ALMS1: variants seen among roughly 807,000 people sequenced by gnomAD.
ALMS1 encodes centrosome-associated protein ALMS1.
A neutral mutation model predicts 352.2 loss-of-function variants in ALMS1; 271 were observed. The observed-to-expected ratio is 0.77, with a 90% confidence interval of 0.70 to 0.85. ALMS1 has a LOEUF of 0.85. ALMS1 is among the 40% of genes least tolerant of loss of function. The probability of loss-of-function intolerance (pLI) is 0.00; values close to 1 mark genes in which losing one functional copy is unlikely to be tolerated. For missense variants in ALMS1, 5,445 were observed against 4,870.7 expected (o/e 1.12, Z -3.51); for synonymous variants, 1,865 against 1,761.2 (o/e 1.06, Z -1.48).
intron 9 of ALMS1, among the ~76,000 whole-genome samples, chr2:73,478,536 A>T (rs1672628482): frequency 6.6e-6 from 1 of 152,220 alleles, no homozygotes; most frequent in African/African-American, 2.4e-5. Flanking sequence ...ATATGTCAGG[A>T]GGTATCAAGG....
At position 73,432,190 on chromosome 2, in the gene ALMS1, C is replaced by T. The variant is rs1553401596; in HGVS notation, c.1339-8C>T. On this transcript the variant is annotated splice_region_variant and splice_polypyrimidine_tract_variant and intron_variant, in intron 6 of 22. Transcript: ENST00000613296. The stretch of plus-strand genomic sequence containing the variant: ...TCATTTTTATTGCCTTCATTTGTTC[C>T]ACATAAGCCAACAAGAGAGTCGGAA... 5 of 1,606,412 alleles carry T rather than the reference C, an allele frequency of 3.1e-6. No homozygotes were observed. In the South Asian group the frequency reaches 5.5e-5, roughly 18 times the overall value.
chr2:73,478,933 C>T (rs1448016397), intron 9 of ALMS1, among the ~76,000 whole-genome samples: 1 of 151,884 alleles, frequency 6.6e-6, no homozygotes, highest in Non-Finnish European at 1.5e-5. Flanking sequence ...AGTGAGAACA[C>T]GTGGTGTTTG....
chr2:73,484,542 A>G (rs903244454), intron 9 of ALMS1, among the ~76,000 whole-genome samples: 1 of 151,150 alleles, frequency 6.6e-6, no homozygotes, highest in Non-Finnish European at 1.5e-5. Flanking sequence ...GAATCTGACA[A>G]TTAATGTGTC....
At chr2:73,465,719 A>C (rs993585663) in intron 9 of ALMS1, among the ~76,000 whole-genome samples, 2 of 151,432 alleles carry the variant, frequency 1.3e-5, no homozygotes, top group Non-Finnish European at 2.9e-5. Flanking sequence ...AAATGGGAGA[A>C]AATTTTCGCA....
chr2:73,409,720 A>G (rs1196802998), intron 2 of ALMS1, among the ~76,000 whole-genome samples: 1 of 152,172 alleles, frequency 6.6e-6, no homozygotes, highest in Non-Finnish European at 1.5e-5. Context: ...AGATACATCT[A>G]TCTATTTATA....
intron 12 of ALMS1, among the ~76,000 whole-genome samples, chr2:73,540,700 C>T (rs1006205098): frequency 6.6e-6 from 1 of 151,606 alleles, no homozygotes; most frequent in African/African-American, 2.4e-5. Context: ...AAATGGAAAA[C>T]AAAAAAAGGC....
At chr2:73,470,658 GA>G (rs1386132291) in intron 9 of ALMS1, 1 of 151,858 alleles carries the variant, frequency 6.6e-6, no homozygotes, top group African/African-American at 2.4e-5. Context: ...CTGTTAGGTG[GA>G]ATATTCAGTA....
chr2:73,411,947 C>T (rs1205797484), intron 2 of ALMS1, among the ~76,000 whole-genome samples: 1 of 152,178 alleles, frequency 6.6e-6, no homozygotes, highest in Non-Finnish European at 1.5e-5. Flanking sequence ...ATGTCTCGTC[C>T]TCTCTTCCCT....
intron 9 of ALMS1, among the ~76,000 whole-genome samples, chr2:73,478,001 C>T (rs1296198694): frequency 6.6e-6 from 1 of 152,114 alleles, no homozygotes; most frequent in African/African-American, 2.4e-5. Context: ...CAATATGATA[C>T]TGAATAGAAG....
intron 2 of ALMS1, among the ~76,000 whole-genome samples, chr2:73,414,042 C>T (rs1449598204): frequency 2.6e-5 from 4 of 151,944 alleles, no homozygotes; most frequent in African/African-American, 7.3e-5. Context: ...ATTAGCTCGC[C>T]CAATTTATAT....
chr2:73,607,413 A>T (rs1395833251), intron 21 of ALMS1, among the ~76,000 whole-genome samples: 3 of 152,122 alleles, frequency 2.0e-5, no homozygotes, highest in Admixed American at 1.3e-4. Context: ...ACTTAAAATC[A>T]TTGCCACCCA....
rs1423948296 is a variant in ALMS1, at chr2:73,447,548, T to TA, written c.1433-411dup. ...AAAATAAGCTGATGAGCCTTTGCTG[T>TA]ACCAGGGATCATGAAGTCTTTTGTC... On this transcript the variant is annotated intron_variant, in intron 7 of 22. Transcript: ENST00000613296. Among the ~76,000 whole-genome samples the TA allele has an allele frequency of 3.9e-5, 6 of 152,252 alleles. No individual in the cohort carries two copies. In the East Asian group the frequency reaches 1.2e-3, roughly 29 times the overall value.
At chr2:73,434,268 C>G (rs942080638) in intron 7 of ALMS1, among the ~76,000 whole-genome samples, 1 of 152,096 alleles carries the variant, frequency 6.6e-6, no homozygotes, top group African/African-American at 2.4e-5. Context: ...AATTCCTAAG[C>G]ACTGTGTTAG....
intron 9 of ALMS1, among the ~76,000 whole-genome samples, chr2:73,460,367 C>A (rs1462920244): frequency 6.6e-6 from 1 of 152,138 alleles, no homozygotes; most frequent in Non-Finnish European, 1.5e-5. Context: ...TCTAGAATTG[C>A]ATGTCAGTGA....
At chr2:73,439,181 T>C (rs995948361) in intron 7 of ALMS1, among the ~76,000 whole-genome samples, 1 of 150,706 alleles carries the variant, frequency 6.6e-6, no homozygotes, top group East Asian at 1.9e-4. Context: ...TGCAGTGATA[T>C]GATCATAGCT....
At chr2:73,525,439 G>T (rs905040807) in intron 11 of ALMS1, among the ~76,000 whole-genome samples, 1 of 152,080 alleles carries the variant, frequency 6.6e-6, no homozygotes, top group Non-Finnish European at 1.5e-5. Context: ...GCCAACATTT[G>T]TTGTTGTATA....
At chr2:73,554,044 G>T (rs558945978) in intron 13 of ALMS1, among the ~76,000 whole-genome samples, 5 of 152,096 alleles carry the variant, frequency 3.3e-5, no homozygotes, top group Non-Finnish European at 7.4e-5. Context: ...GATAGGAGAG[G>T]GAACTGCTGA....
At position 73,426,958 on chromosome 2, in the gene ALMS1, G is replaced by A. The variant is rs138903629; in HGVS notation, c.1338+405G>A. Among the ~76,000 whole-genome samples, 71 of 152,218 alleles carry A rather than the reference G, an allele frequency of 4.7e-4. 1 individual carries two copies. The East Asian group carries it at 0.014, about 29-fold the overall frequency. ...TACCTGTTCTTCATCTGATATCCAG[G>A]AATATGTTCCATTAGAGGTTGGTAT... On this transcript the variant is annotated intron_variant, in intron 6 of 22. Transcript: ENST00000613296.
intron 9 of ALMS1, among the ~76,000 whole-genome samples, chr2:73,465,137 C>T (rs1335437086): frequency 6.7e-6 from 1 of 149,540 alleles, no homozygotes; most frequent in African/African-American, 2.6e-5. Flanking sequence ...GAAGAAACTA[C>T]TTTAAAGTTC....
Sources: allele counts gnomAD v4.1 joint callset (sites outside exome capture counted in the v4.1 genomes callset), GRCh38; gene constraint gnomAD v4.1.1; transcripts MANE v1.5; gene names NCBI Gene and HGNC (gene_info 2026-07-23, HGNC 2026-07-21).